ATP8A2: variants seen among roughly 807,000 people sequenced by gnomAD.
The protein encoded by ATP8A2 is phospholipid-transporting ATPase IB.
In ATP8A2, 100 loss-of-function variants were observed where a neutral mutation model predicts 165.6. The observed-to-expected ratio is 0.60, with a 90% CI of 0.51 to 0.71. The LOEUF (loss-of-function observed/expected upper bound fraction) is 0.71, where lower values mean the gene tolerates loss of function less well. Ranked by LOEUF, ATP8A2 falls within the 30% of genes least tolerant of loss-of-function variation. The probability of loss-of-function intolerance (pLI) is 0.00; values close to 1 mark genes in which losing one functional copy is unlikely to be tolerated. For missense variants in ATP8A2, 1,227 were observed against 1,479.5 expected (o/e 0.83, Z 2.80); for synonymous variants, 543 against 548.8 (o/e 0.99, Z 0.15).
Position 25,902,939 on chromosome 13 carries a change from G to GCACACA in ATP8A2, c.3183+40559_3183+40564dup, listed in dbSNP as rs3221410. ...AACTGACTTTATACATCCTCAGCAT[G>GCACACA]CACACACACACACACACACACACAC... is the stretch of plus-strand genomic sequence containing the variant. On this transcript the variant is annotated intron_variant, in intron 33 of 36. Coordinates refer to ENST00000381655, the MANE Select transcript of ATP8A2 (RefSeq NM_016529.6). 8.8e-3 allele frequency among the ~76,000 whole-genome samples: 1,233 copies of GCACACA among 140,520 alleles called. 23 individuals are homozygous for GCACACA. The highest frequency in any genetic ancestry group is 0.029 in the African/African-American group (1,102 of 37,442). The allele number at this position is 140,520 out of a possible 152,430, so 92.2% of individuals were successfully genotyped here.
chr13:25,826,540 G>T (rs1258219232), intron 27 of ATP8A2, among the ~76,000 whole-genome samples: 1 of 152,176 alleles, frequency 6.6e-6, no homozygotes, highest in Non-Finnish European at 1.5e-5. Context: ...GTGGAGTCAA[G>T]AAACTGATTT....
At chr13:25,505,203 G>A (rs933529862) in intron 2 of ATP8A2, among the ~76,000 whole-genome samples, 1 of 104,130 alleles carries the variant, frequency 9.6e-6, no homozygotes, top group Non-Finnish European at 2.0e-5. Flanking sequence ...TCGGCGGGGC[G>A]GGGGGGGGTG....
At chr13:25,894,516 G>GCA (rs1953474436) in intron 33 of ATP8A2, among the ~76,000 whole-genome samples, 1 of 152,124 alleles carries the variant, frequency 6.6e-6, no homozygotes, top group Non-Finnish European at 1.5e-5. Flanking sequence ...TTGGCAATAT[G>GCA]GGCTCTTTTT....
intron 2 of ATP8A2, 21 bp from the exon 3 acceptor site, chr13:25,529,978 T>A: frequency 7.1e-7 from 1 of 1,406,630 alleles, no homozygotes; most frequent in Non-Finnish European, 1.0e-6. Flanking sequence ...CTGATAGTAT[T>A]ATTTTTCTTT....
chr13:25,548,591 T>TA (rs1468358346), intron 10 of ATP8A2, among the ~76,000 whole-genome samples: 2 of 152,224 alleles, frequency 1.3e-5, no homozygotes, highest in African/African-American at 4.8e-5. Context: ...TGCTGGCCCT[T>TA]ACGTTGAGGC....
At chr13:25,540,773 G>T (rs1170616778) in intron 8 of ATP8A2, among the ~76,000 whole-genome samples, 1 of 151,996 alleles carries the variant, frequency 6.6e-6, no homozygotes, top group African/African-American at 2.4e-5. Flanking sequence ...ATCCTAGAGG[G>T]TGATATAATT....
intron 27 of ATP8A2, among the ~76,000 whole-genome samples, chr13:25,799,653 T>C (rs537096958): frequency 1.3e-5 from 2 of 152,200 alleles, no homozygotes; most frequent in Non-Finnish European, 2.9e-5. Context: ...TGGCCTTGCC[T>C]CCGTCCCTGA....
intron 25 of ATP8A2, among the ~76,000 whole-genome samples, chr13:25,753,261 C>T (rs1293760214): frequency 6.6e-6 from 1 of 152,230 alleles, no homozygotes; most frequent in East Asian, 1.9e-4. Context: ...CTAACACTTA[C>T]AGGGTGTGGT....
At chr13:25,754,598 C>A (rs2044221680) in intron 25 of ATP8A2, among the ~76,000 whole-genome samples, 1 of 152,076 alleles carries the variant, frequency 6.6e-6, no homozygotes, top group Non-Finnish European at 1.5e-5. Context: ...CTAAGGGAAT[C>A]TTGGAGAATT....
At chr13:25,911,535 A>G (rs1358096981) in intron 33 of ATP8A2, among the ~76,000 whole-genome samples, 1 of 152,226 alleles carries the variant, frequency 6.6e-6, no homozygotes, top group Non-Finnish European at 1.5e-5. Context: ...ACTTATCCTC[A>G]GAATCATAAA....
At chr13:25,512,793 C>G (rs552592129) in intron 2 of ATP8A2, among the ~76,000 whole-genome samples, 1 of 144,300 alleles carries the variant, frequency 6.9e-6, no homozygotes, top group African/African-American at 2.6e-5. Flanking sequence ...GCTGACCCCC[C>G]CATCTCCCTC....
intron 1 of ATP8A2, among the ~76,000 whole-genome samples, chr13:25,446,036 G>A (rs1242729169): frequency 6.6e-6 from 1 of 152,176 alleles, no homozygotes; most frequent in Non-Finnish European, 1.5e-5. Flanking sequence ...GTGTGCCTGA[G>A]AGAAACAGAG....
At chr13:26,016,292 G>T (rs889876360) in intron 36 of ATP8A2, among the ~76,000 whole-genome samples, 10 of 152,152 alleles carry the variant, frequency 6.6e-5, no homozygotes, top group African/African-American at 1.9e-4. Context: ...CAGACCTCAC[G>T]TTGCTCTACT....
rs374788362 is a variant in ATP8A2 at position 25,633,759 on chromosome 13, C to T, written c.2211+44060C>T. 3.2e-3 allele frequency among the ~76,000 whole-genome samples: 488 copies of T among 152,114 alleles called. 4 individuals are homozygous for T. Among genetic ancestry groups the T allele is most frequent in the African/African-American group, 0.011 (472 of 41,504 alleles). On this transcript the variant is annotated intron_variant, in intron 24 of 36. Coordinates refer to ENST00000381655, the MANE Select transcript of ATP8A2 (RefSeq NM_016529.6). The stretch of plus-strand genomic sequence containing the variant: ...GAGAGTCTGAGGTGGGTGGATCACT[C>T]GAGCCCAGGAGTTCAAGACCAGCCT...
At chr13:25,965,712 G>A (rs960821110) in intron 34 of ATP8A2, among the ~76,000 whole-genome samples, 1 of 152,126 alleles carries the variant, frequency 6.6e-6, no homozygotes, top group Admixed American at 6.5e-5. Flanking sequence ...ACAAGCTCAA[G>A]GCCACTGAAC....
intron 15 of ATP8A2, among the ~76,000 whole-genome samples, chr13:25,562,880 C>G (rs2039201110): frequency 6.6e-6 from 1 of 152,152 alleles, no homozygotes; most frequent in South Asian, 2.1e-4. Flanking sequence ...GAATGTTCCT[C>G]AAGTGGATGT....
At chr13:25,595,309 T>C (rs1250323038) in intron 24 of ATP8A2, among the ~76,000 whole-genome samples, 2 of 152,136 alleles carry the variant, frequency 1.3e-5, no homozygotes, top group Non-Finnish European at 2.9e-5. Flanking sequence ...ATGAAATAAG[T>C]ATGTACAGTC....
Position 25,862,303 on chromosome 13 carries a change from C to A in ATP8A2, c.3078C>A (p.Phe1026Leu). Residue 1026 changes from phenylalanine to leucine, a missense_variant and splice_region_variant, in exon 33 of 37, where the codon TTC (phenylalanine) becomes TTA (leucine). Phe to Leu is a conservative substitution (Grantham distance 22). Around this residue, in one of 5 missense-constraint regions of ATP8A2, gnomAD observed 260 missense variants for 245.1 expected, o/e 1.06. Transcript: ENST00000381655. ...TGAGTGTCTATTTCCCTCTGCAGTT[C>A]AGTCATCTGGCTGTCTGGGGAAGCA... ...AGLETTAWTK[F>L]SHLAVWGSML... 6.2e-7 allele frequency: 1 copy of A among 1,613,382 alleles called. No homozygotes were observed. Among genetic ancestry groups the A allele is most frequent in the Non-Finnish European group, 8.5e-7 (1 of 1,179,366 alleles).
intron 1 of ATP8A2, among the ~76,000 whole-genome samples, chr13:25,392,587 CTG>C (rs1335948118): frequency 2.6e-5 from 4 of 152,164 alleles, no homozygotes; most frequent in African/African-American, 7.2e-5. Flanking sequence ...AGAAAACAAA[CTG>C]TAACTAATTA....
Sources: gnomAD v4.1 joint callset for allele counts (sites outside exome capture counted in the v4.1 genomes callset) on GRCh38, gnomAD v4.1.1 for gene constraint, gnomAD v4.1.1 regional missense constraint, MANE v1.5 for transcripts, NCBI Gene and HGNC (gene_info 2026-07-23, HGNC 2026-07-21) for gene names.